The following ATRNL1 variants were observed in gnomAD, a reference collection of about 807,000 sequenced individuals.
ATRNL1 encodes the protein attractin-like protein 1.
Under a neutral mutation model 182.7 loss-of-function variants are expected in ATRNL1, and 95 were observed. The ratio of observed to expected loss-of-function variants is 0.52; its 90% CI spans 0.44 to 0.62. The LOEUF (loss-of-function observed/expected upper bound fraction) is 0.62. Among genes scored for constraint, ATRNL1 ranks in the 20% least tolerant of loss-of-function variants. ATRNL1 has a pLI of 0.00. For synonymous variants in ATRNL1, 576 were observed against 568.3 expected (o/e 1.01, Z -0.19); for missense variants, 1,471 against 1,679.5 (o/e 0.88, Z 2.17).
At chr10:115,634,722 TAAAC>T (rs1555027443) in intron 26 of ATRNL1, among the ~76,000 whole-genome samples, 1 of 152,140 alleles carries the variant, frequency 6.6e-6, no homozygotes, top group African/African-American at 2.4e-5. Context: ...TGGATAAAAA[TAAAC>T]ATGCTCAAGA....
chr10:115,873,953 T>C (rs1423213682), intron 28 of ATRNL1, among the ~76,000 whole-genome samples: 1 of 152,204 alleles, frequency 6.6e-6, no homozygotes, highest in Non-Finnish European at 1.5e-5. Flanking sequence ...GAATGGCTAA[T>C]GACAAGGTTC....
intron 22 of ATRNL1, 27 bp downstream of exon 22, chr10:115,462,062 G>A (rs1297386791): frequency 1.3e-6 from 2 of 1,514,742 alleles, no homozygotes; most frequent in South Asian, 1.2e-5. Flanking sequence ...ATCTTTTAAA[G>A]TATAATTATT....
At chr10:115,408,513 T>C (rs1050826599) in intron 20 of ATRNL1, among the ~76,000 whole-genome samples, 31 of 152,338 alleles carry the variant, frequency 2.0e-4, no homozygotes, top group African/African-American at 7.5e-4. Flanking sequence ...ACCCATTCTG[T>C]GGATTGTCTT....
chr10:115,349,730 G>A (rs1354839801), intron 19 of ATRNL1, among the ~76,000 whole-genome samples: 1 of 152,130 alleles, frequency 6.6e-6, no homozygotes, highest in African/African-American at 2.4e-5. Flanking sequence ...TCATAAACCT[G>A]TTGGCCATTT....
intron 1 of ATRNL1, among the ~76,000 whole-genome samples, chr10:115,108,160 A>G (rs1256160822): frequency 6.6e-6 from 1 of 151,994 alleles, no homozygotes; most frequent in African/African-American, 2.4e-5. Context: ...TTTTCATAAT[A>G]TGTTTTGTTT....
At position 115,669,315 on chromosome 10, in the gene ATRNL1, C is replaced by T. The variant is rs117737070; in HGVS notation, c.3796-57933C>T. Among the ~76,000 whole-genome samples the T allele has an allele frequency of 2.7e-3, 416 of 152,078 alleles. 2 individuals are homozygous for T. Among genetic ancestry groups the T allele is most frequent in the Non-Finnish European group, 4.6e-3 (310 of 67,938 alleles). ...TGTAATATTTATAAATGGGATATAG[C>T]AGATACAACCTGTTAATATGATATA... On this transcript the variant is annotated intron_variant, in intron 26 of 28. Transcript: ENST00000355044.
intron 27 of ATRNL1, among the ~76,000 whole-genome samples, chr10:115,827,097 A>G (rs145835086): frequency 6.4e-4 from 98 of 152,328 alleles, no homozygotes; most frequent in African/African-American, 2.3e-3. Flanking sequence ...GGGAGTGAAC[A>G]TCATGGCTGG....
intron 27 of ATRNL1, among the ~76,000 whole-genome samples, chr10:115,780,288 A>G (rs1261095752): frequency 1.3e-5 from 2 of 152,178 alleles, no homozygotes; most frequent in Admixed American, 6.5e-5. Flanking sequence ...GAGGGGAATC[A>G]CCTGTTCCAG....
chr10:115,897,208 A>G (rs1243152440), intron 28 of ATRNL1, among the ~76,000 whole-genome samples: 2 of 152,218 alleles, frequency 1.3e-5, no homozygotes, highest in African/African-American at 4.8e-5. Context: ...CTTGCTAATA[A>G]TTAAGGAAAT....
In ATRNL1 at chr10:115,093,612, G is replaced by A. The variant is rs1048176735; in HGVS notation, c.-139G>A. ...GGTTGGGATCTGTCCCTCCTGACCG[G>A]GGAGCGGGACTCGGACGGGCGCCGG... On this transcript the variant is annotated 5_prime_UTR_variant, in exon 1 of 29. Coordinates refer to ENST00000355044, the MANE Select transcript of ATRNL1 (RefSeq NM_207303.4). The surrounding 1 kb of genome is among the most constrained non-coding windows in gnomAD (Gnocchi z 6.1). The A allele has an allele frequency of 4.9e-5, 49 of 993,346 alleles. No homozygotes were observed. The Admixed American group carries it at 9.8e-4, about 20-fold the overall frequency. 61.5% of individuals were successfully genotyped at this position (993,346 alleles called of 1,614,324 possible). A position where few individuals can be genotyped will look rare whatever the true frequency, so the allele number is the denominator to read the frequency against.
intron 19 of ATRNL1, among the ~76,000 whole-genome samples, chr10:115,340,994 C>A (rs1312491940): frequency 6.6e-6 from 1 of 151,236 alleles, no homozygotes; most frequent in Non-Finnish European, 1.5e-5. Context: ...TTTCATCAGT[C>A]TTTTTTTTAT....
At chr10:115,160,495 T>TA (rs1291359131) in intron 6 of ATRNL1, among the ~76,000 whole-genome samples, 151,848 of 151,848 alleles carry the variant, frequency 1, 75,924 homozygotes, top group Non-Finnish European at 1. Flanking sequence ...CCTTTGCCTA[T>TA]ATGGATAAAA....
chr10:115,500,067 G>C (rs1849743334), intron 24 of ATRNL1, among the ~76,000 whole-genome samples: 1 of 152,090 alleles, frequency 6.6e-6, no homozygotes, highest in South Asian at 2.1e-4. Flanking sequence ...GAGAAAATAG[G>C]GGGAGGAAGG....
At chr10:115,322,909 G>A (rs1854655344) in intron 18 of ATRNL1, among the ~76,000 whole-genome samples, 1 of 151,870 alleles carries the variant, frequency 6.6e-6, no homozygotes, top group Non-Finnish European at 1.5e-5. Flanking sequence ...CTTCTTTCAA[G>A]ATTTTGTCCT....
chr10:115,336,528 A>C (rs1326527931), intron 19 of ATRNL1, among the ~76,000 whole-genome samples: 1 of 152,230 alleles, frequency 6.6e-6, no homozygotes, highest in African/African-American at 2.4e-5. Context: ...TATTGATTGC[A>C]TAATTTGAAG....
chr10:115,713,932 A>T (rs1356905250), intron 26 of ATRNL1, among the ~76,000 whole-genome samples: 1 of 152,176 alleles, frequency 6.6e-6, no homozygotes, highest in Non-Finnish European at 1.5e-5. Context: ...TTAGAACTTG[A>T]CTTCTTTGTA....
intron 26 of ATRNL1, among the ~76,000 whole-genome samples, chr10:115,587,101 G>C (rs1855565007): frequency 6.7e-6 from 1 of 149,422 alleles, no homozygotes; most frequent in Admixed American, 6.7e-5. Flanking sequence ...TGAGGAGGCA[G>C]TCTGCCCGTT....
intron 28 of ATRNL1, among the ~76,000 whole-genome samples, chr10:115,943,535 G>C (rs1953790803): frequency 6.6e-6 from 1 of 152,004 alleles, no homozygotes; most frequent in African/African-American, 2.4e-5. Flanking sequence ...ATGCTGGTGA[G>C]GTTGTGAAGC....
Position 115,129,816 on chromosome 10 carries a change from T to C in ATRNL1, c.829+281T>C, listed in dbSNP as rs115793261. 9.5e-3 allele frequency among the ~76,000 whole-genome samples: 1,447 copies of C among 152,306 alleles called. 20 individuals are homozygous for C. The highest frequency in any genetic ancestry group is 0.032 in the African/African-American group (1,333 of 41,568). ...GTGTGATAATTATGGTCTTCTGTAA[T>C]TTGTTGTTGAATCTCCCCAAATTTG... On this transcript the variant is annotated intron_variant, in intron 5 of 28. Transcript: ENST00000355044.
Sources: allele counts gnomAD v4.1 joint callset (sites outside exome capture counted in the v4.1 genomes callset), GRCh38; gene constraint gnomAD v4.1.1; non-coding constraint Gnocchi (gnomAD v3.1); transcripts MANE v1.5; gene names NCBI Gene and HGNC (gene_info 2026-07-23, HGNC 2026-07-21).